The following NOTUM variants were observed in gnomAD, a reference collection of about 807,000 sequenced individuals.
NOTUM encodes notum, palmitoleoyl-protein carboxylesterase.
NOTUM carries 36 observed loss-of-function variants against 65.5 expected under a neutral mutation model. That is an observed-to-expected ratio of 0.55 (90% CI 0.42 to 0.73). The LOEUF (loss-of-function observed/expected upper bound fraction) is 0.73, where lower values mean the gene tolerates loss of function less well. NOTUM is among the 30% of genes least tolerant of loss of function. NOTUM has a pLI of 0.00. For synonymous variants in NOTUM, 356 were observed against 297.9 expected (o/e 1.20, Z -2.01); for missense variants, 659 against 694.2 (o/e 0.95, Z 0.57).
At chr17:81,959,099 G>C in intron 3 of NOTUM, 104 bp from the exon 4 acceptor site, 1 of 983,680 alleles carries the variant, frequency 1.0e-6, no homozygotes, top group South Asian at 1.3e-5. Flanking sequence ...GCCCCAGGAA[G>C]GGAGGTGTGC....
At chr17:81,958,135 C>G (rs982995899) in intron 5 of NOTUM, among the ~76,000 whole-genome samples, 200 bp downstream of exon 5, 2 of 152,144 alleles carry the variant, frequency 1.3e-5, no homozygotes, top group Admixed American at 6.5e-5. Context: ...CAGTTGTGGA[C>G]AAGCAGGCAG....
At chr17:81,957,991 T>A in intron 5 of NOTUM, 83 bp from the exon 6 acceptor site, 1 of 1,014,842 alleles carries the variant, frequency 9.9e-7, no homozygotes, top group South Asian at 1.4e-5. Flanking sequence ...GCAGAGAAGT[T>A]CTTGCCCCAC....
Position 81,959,385 on chromosome 17 carries a change from G to T in NOTUM, c.472+86C>A, listed in dbSNP as rs530702601. ...CCAGGCTGGGCATGATGTGCGGGGTGGGGGCCTGGCTGGGGCTCCAGGAGG... is the reference window on the plus strand; with the variant it reads ...CCAGGCTGGGCATGATGTGCGGGGTTGGGGCCTGGCTGGGGCTCCAGGAGG... On this transcript the variant is annotated intron_variant, in intron 3 of 10. Coordinates refer to ENST00000409678, the MANE Select transcript of NOTUM (RefSeq NM_178493.6). 1.7e-4 allele frequency: 174 copies of T among 1,032,760 alleles called. 2 individuals are homozygous for T. In the South Asian group the frequency reaches 2.4e-3, roughly 14 times the overall value. The allele number at this position is 1,032,760 out of a possible 1,614,324, so 64.0% of individuals were successfully genotyped here.
At chr17:81,956,789 G>A (rs369233567) in intron 7 of NOTUM, 39 bp from the exon 8 acceptor site, 161 of 1,594,408 alleles carry the variant, frequency 1.0e-4, no homozygotes, top group Non-Finnish European at 1.3e-4. Flanking sequence ...CGTGGGTCTC[G>A]TCCCCCGGGG....
At chr17:81,953,508 G>C (rs2041403447) in intron 10 of NOTUM, among the ~76,000 whole-genome samples, 1 of 151,892 alleles carries the variant, frequency 6.6e-6, no homozygotes, top group Non-Finnish European at 1.5e-5. Flanking sequence ...TGTTGGCCAA[G>C]CTGGTCTCGA....
intron 6 of NOTUM, among the ~76,000 whole-genome samples, chr17:81,957,566 C>G (rs34725780): frequency 9.9e-5 from 15 of 151,764 alleles, no homozygotes; most frequent in Non-Finnish European, 1.5e-5. Flanking sequence ...ACAACCATGG[C>G]GTCCAGAAGC....
In NOTUM at chr17:81,960,033, C is replaced by G. The variant is rs1055762006; in HGVS notation, c.324-341G>C. 4.6e-5 allele frequency among the ~76,000 whole-genome samples: 7 copies of G among 152,038 alleles called. No individual in the cohort carries two copies. The highest frequency in any genetic ancestry group is 7.2e-5 in the African/African-American group (3 of 41,430). ...AACGCGTCCGCACTGAAGGAGCGCGCTTGGCGGGGGAACGGGACGCCGCGG... is the reference window on the plus strand; with the variant it reads ...AACGCGTCCGCACTGAAGGAGCGCGGTTGGCGGGGGAACGGGACGCCGCGG... On this transcript the variant is annotated intron_variant, in intron 1 of 10. Coordinates refer to ENST00000409678, the MANE Select transcript of NOTUM (RefSeq NM_178493.6). This position sits in a 1 kb window ranked among gnomAD's most constrained non-coding sequence, Gnocchi z 6.4.
chr17:81,957,669 C>T lies in NOTUM; in HGVS notation c.695+137G>A, dbSNP rs2041443639. On this transcript the variant is annotated intron_variant, in intron 6 of 10. Transcript: ENST00000409678. ...GGGTTCTCCCAGCTCCAGCCTCTCA[C>T]CCTCCTAGCCACCTGCCAAGATCTG... 1.1e-5 allele frequency: 7 copies of T among 646,640 alleles called. No homozygotes were observed. The East Asian group carries it at 1.7e-4, about 15-fold the overall frequency. 40.1% of individuals were successfully genotyped at this position (646,640 alleles called of 1,614,324 possible). A position where few individuals can be genotyped will look rare whatever the true frequency, so the allele number is the denominator to read the frequency against.
At chr17:81,955,665 C>A (rs994089892) in intron 8 of NOTUM, 121 bp from the exon 9 acceptor site, 39 of 843,056 alleles carry the variant, frequency 4.6e-5, no homozygotes, top group South Asian at 3.4e-4. Context: ...GAGCTCAGCA[C>A]CCCCAGGCCC....
At position 81,960,053 on chromosome 17, in the gene NOTUM, CCGCGGGGAGCGCGGGAGG is replaced by C. The variant is rs2041462539; in HGVS notation, c.324-379_324-362del. Among the ~76,000 whole-genome samples, 1 of 152,000 alleles carries C rather than the reference CCGCGGGGAGCGCGGGAGG, an allele frequency of 6.6e-6. No homozygotes were observed. The highest frequency in any genetic ancestry group is 1.5e-5 in the Non-Finnish European group (1 of 67,960). On this transcript the variant is annotated intron_variant, in intron 1 of 10. Coordinates refer to ENST00000409678, the MANE Select transcript of NOTUM (RefSeq NM_178493.6). The surrounding 1 kb of genome is among the most constrained non-coding windows in gnomAD (Gnocchi z 6.4). ...GCGCGCTTGGCGGGGGAACGGGACG[CCGCGGGGAGCGCGGGAGG>C]CGCGGGCGGCACCGACCCGGCGGGG...
rs1406613162 is a variant in NOTUM at position 81,956,743 on chromosome 17, T to G, written c.895A>C (p.Asn299His). The change falls in exon 8 of 11, where the codon AAC becomes CAC. Residue 299 changes from asparagine to histidine, a missense_variant. By Grantham distance (68) the Asn-to-His change is moderately conservative. Coordinates refer to ENST00000409678, the MANE Select transcript of NOTUM (RefSeq NM_178493.6). ...EAIRRGIRYW[N>H]GVVPERCRRQ... ...CGGCAGCGCTCCGGGACCACCCCGT[T>G]CCAGTACCTGGAGCCACAGCCACAG... is the stretch of plus-strand genomic sequence containing the variant. 1 of 1,612,432 alleles carries G rather than the reference T, an allele frequency of 6.2e-7. No homozygotes were observed. Among genetic ancestry groups the G allele is most frequent in the Non-Finnish European group, 8.5e-7 (1 of 1,179,672 alleles).
chr17:81,956,163 C>T (rs2041431842), intron 8 of NOTUM, among the ~76,000 whole-genome samples: 1 of 152,244 alleles, frequency 6.6e-6, no homozygotes, highest in African/African-American at 2.4e-5. Context: ...TGTTTAACCC[C>T]TCCATGACCT....
rs1400155792 is a variant in NOTUM at position 81,954,116 on chromosome 17, G to A, written c.1184+140C>T. 7.8e-6 allele frequency: 5 copies of A among 638,588 alleles called. No individual in the cohort carries two copies. In the Admixed American group the frequency reaches 1.0e-4, roughly 13 times the overall value. The allele number at this position is 638,588 out of a possible 1,614,324, so 39.6% of individuals were successfully genotyped here. Reference sequence around the variant, plus strand: ...TTGCCATACAGCTGTTGGTACAAGTGGCTCTGGCACCCCTATAAGGAAATC... The same window carrying A: ...TTGCCATACAGCTGTTGGTACAAGTAGCTCTGGCACCCCTATAAGGAAATC... On this transcript the variant is annotated intron_variant, in intron 10 of 10. Coordinates refer to ENST00000409678, the MANE Select transcript of NOTUM (RefSeq NM_178493.6).
At chr17:81,959,713 C>A in intron 1 of NOTUM, 21 bp from the exon 2 acceptor site, 2 of 1,422,498 alleles carry the variant, frequency 1.4e-6, no homozygotes, top group Non-Finnish European at 1.8e-6. Flanking sequence ...GGACGCACCG[C>A]GGGGGGTCGG....
intron 4 of NOTUM, 145 bp from the exon 5 acceptor site, chr17:81,958,538 A>G: frequency 1.6e-6 from 1 of 641,416 alleles, no homozygotes; most frequent in South Asian, 1.8e-5. Flanking sequence ...ACTTCCCCTC[A>G]AGAAAGACCT....
intron 5 of NOTUM, 45 bp downstream of exon 5, chr17:81,958,290 G>T (rs540663071): frequency 1.2e-5 from 16 of 1,355,798 alleles, no homozygotes; most frequent in Non-Finnish European, 1.4e-5. Flanking sequence ...CCTGCCATCC[G>T]GCCCCGTCCC....
rs2041396474 is a variant in NOTUM, at chr17:81,952,740, G to A, written c.*221C>T. The A allele has an allele frequency of 1.7e-6, 1 of 582,670 alleles. No individual in the cohort carries two copies. The highest frequency in any genetic ancestry group is 3.1e-5 in the Admixed American group (1 of 31,800). The allele number at this position is 582,670 out of a possible 1,614,324, so 36.1% of individuals were successfully genotyped here. ...CCCTCGTTGTCAGGAAGGACCCCCA[G>A]GCCACAGATGGGGATGACAGCAGGT... On this transcript the variant is annotated 3_prime_UTR_variant, in exon 11 of 11. Transcript: ENST00000409678.
chr17:81,959,024 T>C (rs762952027), intron 3 of NOTUM, 29 bp from the exon 4 acceptor site: 4 of 1,603,258 alleles, frequency 2.5e-6, no homozygotes, highest in Non-Finnish European at 3.4e-6. Flanking sequence ...TGGGTCTTTC[T>C]AGCGGGAGGA....
intron 4 of NOTUM, 79 bp from the exon 5 acceptor site, chr17:81,958,472 C>A: frequency 1.1e-6 from 1 of 935,930 alleles, no homozygotes; most frequent in Non-Finnish European, 1.7e-6. Context: ...GAACAGGACC[C>A]TCAGAAAAGA....
Sources: allele counts gnomAD v4.1 joint callset (sites outside exome capture counted in the v4.1 genomes callset), GRCh38; gene constraint gnomAD v4.1.1; non-coding constraint Gnocchi (gnomAD v3.1); transcripts MANE v1.5; gene names NCBI Gene and HGNC (gene_info 2026-07-23, HGNC 2026-07-21).